INO80D: variants seen among roughly 807,000 people sequenced by gnomAD.
INO80D encodes the protein INO80 complex subunit D.
Under a neutral mutation model 87.6 loss-of-function variants are expected in INO80D, and 21 were observed. The ratio of observed to expected loss-of-function variants is 0.24; its 90% CI spans 0.17 to 0.35. The LOEUF is 0.35. INO80D is among the 10% of genes least tolerant of loss of function. The pLI is 1.00. For missense variants in INO80D, 982 were observed against 1,280.7 expected (o/e 0.77, Z 3.56); for synonymous variants, 440 against 491.0 (o/e 0.90, Z 1.37).
chr2:206,082,085 A>G (rs1164237398), intron 1 of INO80D, among the ~76,000 whole-genome samples: 1 of 152,168 alleles, frequency 6.6e-6, no homozygotes, highest in East Asian at 1.9e-4. Context: ...CAATGGTGCA[A>G]TCCTGGCTCA....
intron 4 of INO80D, among the ~76,000 whole-genome samples, chr2:206,047,084 C>T (rs900523076): frequency 2.0e-5 from 3 of 151,108 alleles, no homozygotes; most frequent in Non-Finnish European, 4.4e-5. Context: ...GCCACACAAT[C>T]GGGTTTTTAA....
chr2:205,994,074 C>T lies in INO80D; in HGVS notation c.*10294G>A, dbSNP rs1192389838. ...CAAGACGTGGTCCTCCCAGCAATGC[C>T]GCACCCAATGCCACAAGTATGCCTG... On this transcript the variant is annotated 3_prime_UTR_variant, in exon 11 of 11. Transcript: ENST00000403263. 6.6e-6 allele frequency: 1 copy of T among 152,156 alleles called. No homozygotes were observed. Among genetic ancestry groups the T allele is most frequent in the African/African-American group, 2.4e-5 (1 of 41,430 alleles). The allele number at this position is 152,156 out of a possible 1,614,324, so 9.4% of individuals were successfully genotyped here. A position where few individuals can be genotyped will look rare whatever the true frequency, so the allele number is the denominator to read the frequency against.
chr2:206,039,116 G>A (rs1688966601), intron 5 of INO80D, among the ~76,000 whole-genome samples: 1 of 152,166 alleles, frequency 6.6e-6, no homozygotes, highest in South Asian at 2.1e-4. Flanking sequence ...GGTATAAAGG[G>A]GCTGGGGGCG....
chr2:205,996,968 AC>A lies in INO80D; in HGVS notation c.*7399del, dbSNP rs1255580594. ...TGAAACCAGGAGATGCTGCAAAAAT[AC>A]AACTGTAGAAAAGAACAGCATATAG... is the stretch of plus-strand genomic sequence containing the variant. On this transcript the variant is annotated 3_prime_UTR_variant, in exon 11 of 11. Coordinates refer to ENST00000403263, the MANE Select transcript of INO80D (RefSeq NM_017759.5). 6.6e-6 allele frequency: 1 copy of A among 152,148 alleles called. No individual in the cohort carries two copies. The highest frequency in any genetic ancestry group is 1.9e-4 in the East Asian group (1 of 5,192). 9.4% of individuals were successfully genotyped at this position (152,148 alleles called of 1,614,324 possible).
At chr2:206,077,048 T>G (rs1435064755) in intron 1 of INO80D, among the ~76,000 whole-genome samples, 1 of 151,692 alleles carries the variant, frequency 6.6e-6, no homozygotes, top group Non-Finnish European at 1.5e-5. Flanking sequence ...CCAAGGCGGG[T>G]GGATCACGAG....
At chr2:206,084,042 G>GA in intron 1 of INO80D, among the ~76,000 whole-genome samples, 1 of 150,540 alleles carries the variant, frequency 6.6e-6, no homozygotes, top group Non-Finnish European at 1.5e-5. Flanking sequence ...CTGAAAAGCA[G>GA]AAAATCGAGA....
At position 206,006,343 on chromosome 2, in the gene INO80D, A is replaced by C. The variant is rs116341263; in HGVS notation, c.1919-810T>G. 3.3e-3 allele frequency among the ~76,000 whole-genome samples: 504 copies of C among 152,312 alleles called. 5 individuals carry two copies. Among genetic ancestry groups the C allele is most frequent in the African/African-American group, 0.012 (482 of 41,574 alleles). On this transcript the variant is annotated intron_variant, in intron 10 of 10. Transcript: ENST00000403263. Reference sequence around the variant, plus strand: ...TTTTGGAAAAGTGCACTTCAGTTGAAGTACAGGGTGGGGTATAAAACTAGG... The same window carrying C: ...TTTTGGAAAAGTGCACTTCAGTTGACGTACAGGGTGGGGTATAAAACTAGG...
At chr2:206,038,192 T>A (rs1177781208) in intron 5 of INO80D, among the ~76,000 whole-genome samples, 1 of 152,212 alleles carries the variant, frequency 6.6e-6, no homozygotes. Context: ...ACACAATCTA[T>A]GCATAACAAA....
chr2:206,005,476 A>C lies in INO80D; in HGVS notation c.1976T>G (p.Leu659Trp). The change falls in exon 11 of 11, where the codon TTG (leucine) becomes TGG (tryptophan). Residue 659 changes from leucine (L) to tryptophan (W), a missense_variant. Physicochemically the swap from Leu to Trp is moderately conservative, Grantham distance 61. Coordinates refer to ENST00000403263, the MANE Select transcript of INO80D (RefSeq NM_017759.5). The stretch of plus-strand genomic sequence containing the variant: ...GCACTCGAGAGAAGTTACAGCCTGC[A>C]AGGCCCGTTCAAGCTCCTCAGCCTC... ...TEEAEELERA[L>W]QAVTSLECLS... 1 of 1,613,910 alleles carries C rather than the reference A, an allele frequency of 6.2e-7. No homozygotes were observed. Among genetic ancestry groups the C allele is most frequent in the Non-Finnish European group, 8.5e-7 (1 of 1,179,894 alleles).
rs192304073 is a variant in INO80D at position 206,000,769 on chromosome 2, T to C, written c.*3599A>G. The C allele has an allele frequency of 6.6e-6, 1 of 152,336 alleles. No individual in the cohort carries two copies. Among genetic ancestry groups the C allele is most frequent in the East Asian group, 1.9e-4 (1 of 5,188 alleles). 9.4% of individuals were successfully genotyped at this position (152,336 alleles called of 1,614,324 possible). A position where few individuals can be genotyped will look rare whatever the true frequency, so the allele number is the denominator to read the frequency against. ...TATTTGGCAAAGATAAAGTATCAGC[T>C]TTCTTTAGCCTCAAGCCACTAAAGA... On this transcript the variant is annotated 3_prime_UTR_variant, in exon 11 of 11. Coordinates refer to ENST00000403263, the MANE Select transcript of INO80D (RefSeq NM_017759.5).
intron 5 of INO80D, among the ~76,000 whole-genome samples, chr2:206,035,499 C>T (rs1688869578): frequency 6.6e-6 from 1 of 152,090 alleles, no homozygotes; most frequent in Admixed American, 6.6e-5. Context: ...AAAGAACACC[C>T]TTTCAACAAA....
chr2:206,083,879 G>GA (rs1271068273), intron 1 of INO80D, among the ~76,000 whole-genome samples: 30 of 142,476 alleles, frequency 2.1e-4, no homozygotes, highest in African/African-American at 7.6e-4. Flanking sequence ...AAAAAAAAAG[G>GA]AAAAAACCAA....
chr2:206,062,355 G>A lies in INO80D; in HGVS notation c.218+444C>T, dbSNP rs188549654. On this transcript the variant is annotated intron_variant, in intron 3 of 10. Coordinates refer to ENST00000403263, the MANE Select transcript of INO80D (RefSeq NM_017759.5). This position sits in a 1 kb window ranked among gnomAD's most constrained non-coding sequence, Gnocchi z 4.6. ...GGCATAGATTTTAAACTCCAAAATT[G>A]CTATCATTAATTATAACACCTAATT... Among the ~76,000 whole-genome samples, 13 of 152,050 alleles carry A rather than the reference G, an allele frequency of 8.5e-5. No individual in the cohort carries two copies. The East Asian group carries it at 2.3e-3, about 27-fold the overall frequency.
intron 5 of INO80D, among the ~76,000 whole-genome samples, chr2:206,033,947 C>A (rs1256325453): frequency 6.6e-6 from 1 of 152,098 alleles, no homozygotes; most frequent in Non-Finnish European, 1.5e-5. Flanking sequence ...AAAGATCATT[C>A]AAGGCTACTA....
At chr2:206,076,126 A>G (rs1033376492) in intron 1 of INO80D, among the ~76,000 whole-genome samples, 2 of 151,844 alleles carry the variant, frequency 1.3e-5, no homozygotes, top group Non-Finnish European at 2.9e-5. Flanking sequence ...TTGGGAGGCC[A>G]CGGCAGAAGG....
At chr2:206,080,317 C>A (rs1389165883) in intron 1 of INO80D, among the ~76,000 whole-genome samples, 1 of 152,152 alleles carries the variant, frequency 6.6e-6, no homozygotes, top group Non-Finnish European at 1.5e-5. Flanking sequence ...CACGGGGACT[C>A]ACAAAAACAC....
rs781149556 is a variant in INO80D, at chr2:206,062,897, A to G, written c.120T>C (p.Val40=). ...LNGYAFCIRH[V]LEDKTAPFKQ... Reference sequence around the variant, plus strand: ...TGAAGGGGGCAGTCTTGTCCTCCAGAACGTGTCTGATACAGAAGGCGTAGC... The same window carrying G: ...TGAAGGGGGCAGTCTTGTCCTCCAGGACGTGTCTGATACAGAAGGCGTAGC... The change falls in exon 3 of 11, where the codon GTT becomes GTC. Residue 40 remains valine (V), a synonymous_variant. Transcript: ENST00000403263. The surrounding 1 kb of genome is among the most constrained non-coding windows in gnomAD (Gnocchi z 4.6). The G allele has an allele frequency of 7.1e-5, 114 of 1,613,444 alleles. 1 individual carries two copies. The highest frequency in any genetic ancestry group is 8.6e-5 in the Non-Finnish European group (101 of 1,179,810).
chr2:206,060,892 T>C (rs1367666598), intron 3 of INO80D, among the ~76,000 whole-genome samples: 1 of 152,092 alleles, frequency 6.6e-6, no homozygotes, highest in African/African-American at 2.4e-5. Context: ...CTTCTCGAGA[T>C]AGAAACATGA....
chr2:206,018,295 T>C (rs1688371332), intron 7 of INO80D, among the ~76,000 whole-genome samples: 1 of 152,114 alleles, frequency 6.6e-6, no homozygotes, highest in South Asian at 2.1e-4. Flanking sequence ...CAGGCATCTG[T>C]CACCACATCC....
Sources: gnomAD v4.1 joint callset for allele counts (sites outside exome capture counted in the v4.1 genomes callset) on GRCh38, gnomAD v4.1.1 for gene constraint, Gnocchi (gnomAD v3.1) non-coding constraint, MANE v1.5 for transcripts, NCBI Gene and HGNC (gene_info 2026-07-23, HGNC 2026-07-21) for gene names.